The following RHOQ variants were observed in gnomAD, a reference collection of about 807,000 sequenced individuals.
RHOQ encodes rho-related GTP-binding protein RhoQ.
In RHOQ, 7 loss-of-function variants were observed where a neutral mutation model predicts 25.8. The observed-to-expected ratio is 0.27, with a 90% CI of 0.15 to 0.51. RHOQ has a LOEUF of 0.51. Ranked by LOEUF, RHOQ falls within the 20% of genes least tolerant of loss-of-function variation. RHOQ has a pLI of 0.97. For synonymous variants in RHOQ, 97 were observed against 98.6 expected (o/e 0.98, Z 0.10); for missense variants, 165 against 260.6 (o/e 0.63, Z 2.53).
intron 2 of RHOQ, among the ~76,000 whole-genome samples, chr2:46,571,782 C>G (rs775376215): frequency 7.9e-5 from 12 of 152,172 alleles, no homozygotes; most frequent in African/African-American, 1.4e-4. Context: ...AAGCATGGCA[C>G]AAGGTAAATC....
At position 46,555,058 on chromosome 2, in the gene RHOQ, C is replaced by T. The variant is rs963255861; in HGVS notation, c.201+11246C>T. Among the ~76,000 whole-genome samples the T allele has an allele frequency of 1.1e-4, 16 of 152,334 alleles. No individual in the cohort carries two copies. The highest frequency in any genetic ancestry group is 3.4e-3 in the Middle Eastern group (1 of 294). On this transcript the variant is annotated intron_variant, in intron 2 of 4. Coordinates refer to ENST00000238738, the MANE Select transcript of RHOQ (RefSeq NM_012249.4). The surrounding 1 kb of genome is among the most constrained non-coding windows in gnomAD (Gnocchi z 4.3). ...CTGGAGGAATGGGGAAGGGACTGGA[C>T]ACGAGGAGGGACAGAGCAGGCAGAT...
chr2:46,546,495 TATATATATATATATATGTATATAC>T (rs1177839562), intron 2 of RHOQ, among the ~76,000 whole-genome samples: 1,641 of 22,204 alleles, frequency 0.074, 198 homozygotes, highest in South Asian at 0.11. Context: ...TATATATATA[TATATATATATATATATGTATATAC>T]ATATATATAT....
Position 46,546,509 on chromosome 2 carries a change from TATGTATATACATATATATATATAC to T in RHOQ, c.201+2699_201+2722del, listed in dbSNP as rs1558680624. 1.3e-3 allele frequency among the ~76,000 whole-genome samples: 30 copies of T among 22,584 alleles called. 2 individuals are homozygous for T. The highest frequency in any genetic ancestry group is 4.7e-3 in the African/African-American group (26 of 5,544). The allele number at this position is 22,584 out of a possible 152,430, so 14.8% of individuals were successfully genotyped here. Reference sequence around the variant, plus strand: ...ATATATATATATATATATATATATATATGTATATACATATATATATATACACAAATCCTTAAGCCTAGTGGGCAG... The same window carrying T: ...ATATATATATATATATATATATATATACAAATCCTTAAGCCTAGTGGGCAG... On this transcript the variant is annotated intron_variant, in intron 2 of 4. Transcript: ENST00000238738.
rs1304437881 is a variant in RHOQ at position 46,581,674 on chromosome 2, T to G, written c.*591T>G. 1 of 1,508,248 alleles carries G rather than the reference T, an allele frequency of 6.6e-7. No individual in the cohort carries two copies. The highest frequency in any genetic ancestry group is 1.4e-5 in the African/African-American group (1 of 71,486). 93.4% of individuals were successfully genotyped at this position (1,508,248 alleles called of 1,614,324 possible). On this transcript the variant is annotated 3_prime_UTR_variant, in exon 5 of 5. Coordinates refer to ENST00000238738, the MANE Select transcript of RHOQ (RefSeq NM_012249.4). ...CAAGTGTAACCTAAATATTTCTATA[T>G]TAAAGCTTAATGTGCTTTCTTAAAG...
chr2:46,543,427 C>T (rs917397072), intron 1 of RHOQ: 1 of 602,676 alleles, frequency 1.7e-6, no homozygotes, highest in African/African-American at 1.9e-5. Context: ...CTTCCTACCC[C>T]TCGGCGCCCT....
intron 2 of RHOQ, among the ~76,000 whole-genome samples, chr2:46,570,786 C>T (rs1016579881): frequency 6.6e-6 from 1 of 152,238 alleles, no homozygotes; most frequent in African/African-American, 2.4e-5. Flanking sequence ...TTATGTCTCT[C>T]TTCACGTAGT....
rs1667876829 is a variant in RHOQ at position 46,542,990 on chromosome 2, C to T, written c.-57C>T. On this transcript the variant is annotated 5_prime_UTR_variant, in exon 1 of 5. Coordinates refer to ENST00000238738, the MANE Select transcript of RHOQ (RefSeq NM_012249.4). ...CCCCCCAGGCGGGCTGGGGCTGAGC[C>T]CGGGGCCGGGGCGGGGGCTCCGGGG... is the stretch of plus-strand genomic sequence containing the variant. 7 of 1,367,062 alleles carry T rather than the reference C, an allele frequency of 5.1e-6. No homozygotes were observed. The Admixed American group carries it at 2.3e-4, about 44-fold the overall frequency. The allele number at this position is 1,367,062 out of a possible 1,614,324, so 84.7% of individuals were successfully genotyped here. A position where few individuals can be genotyped will look rare whatever the true frequency, so the allele number is the denominator to read the frequency against.
chr2:46,551,296 G>A (rs952380869), intron 2 of RHOQ, among the ~76,000 whole-genome samples: 4 of 152,190 alleles, frequency 2.6e-5, no homozygotes, highest in Non-Finnish European at 1.5e-5. Flanking sequence ...TCTCACCTCA[G>A]GCATGCAGCA....
At chr2:46,550,226 G>C (rs1668199262) in intron 2 of RHOQ, among the ~76,000 whole-genome samples, 1 of 150,376 alleles carries the variant, frequency 6.6e-6, no homozygotes, top group Non-Finnish European at 1.5e-5. Context: ...ATTAGAGCGA[G>C]ACCGTGTTTA....
rs1669358480 is a variant in RHOQ, at chr2:46,581,273, C to G, written c.*190C>G. 2.1e-6 allele frequency: 2 copies of G among 964,626 alleles called. No individual in the cohort carries two copies. Among genetic ancestry groups the G allele is most frequent in the South Asian group, 1.8e-5 (1 of 54,100 alleles). The allele number at this position is 964,626 out of a possible 1,614,324, so 59.8% of individuals were successfully genotyped here. On this transcript the variant is annotated 3_prime_UTR_variant, in exon 5 of 5. Coordinates refer to ENST00000238738, the MANE Select transcript of RHOQ (RefSeq NM_012249.4). ...AGGTTTAAGAAGCAGTAAGCAGCAT[C>G]TGAAGCCACAATCTATTATAAATAC...
chr2:46,582,058 A>C lies in RHOQ; in HGVS notation c.*975A>C, dbSNP rs1173321187. 6.4e-6 allele frequency: 1 copy of C among 155,534 alleles called. No individual in the cohort carries two copies. 9.6% of individuals were successfully genotyped at this position (155,534 alleles called of 1,614,324 possible). ...ACCTAGAATCCAAGCGTGTTACATG[A>C]AAATTGTAACAGAGCAGCTGCTTCC... On this transcript the variant is annotated 3_prime_UTR_variant, in exon 5 of 5. Transcript: ENST00000238738.
rs140447180 is a variant in RHOQ, at chr2:46,544,291, A to C, written c.201+479A>C. Among the ~76,000 whole-genome samples the C allele has an allele frequency of 1.5e-3, 225 of 152,110 alleles. 2 individuals are homozygous for C. The highest frequency in any genetic ancestry group is 5.2e-3 in the African/African-American group (214 of 41,480). Reference sequence around the variant, plus strand: ...GTTATGTTTATTACAACATCATTGCACTCTGGGACTCCAGTCCCTGAAAAC... The same window carrying C: ...GTTATGTTTATTACAACATCATTGCCCTCTGGGACTCCAGTCCCTGAAAAC... On this transcript the variant is annotated intron_variant, in intron 2 of 4. Coordinates refer to ENST00000238738, the MANE Select transcript of RHOQ (RefSeq NM_012249.4).
At chr2:46,558,952 G>C (rs1668485841) in intron 2 of RHOQ, among the ~76,000 whole-genome samples, 1 of 151,786 alleles carries the variant, frequency 6.6e-6, no homozygotes, top group African/African-American at 2.4e-5. Context: ...AAGCGGTTTA[G>C]GTTTTGTTTT....
intron 2 of RHOQ, among the ~76,000 whole-genome samples, chr2:46,565,666 T>A (rs1187580721): frequency 2.0e-5 from 3 of 152,182 alleles, no homozygotes; most frequent in African/African-American, 7.2e-5. Flanking sequence ...GTGAAGGAGG[T>A]GCAGCTAGCA....
chr2:46,570,447 T>TAA, intron 2 of RHOQ, among the ~76,000 whole-genome samples: 1 of 117,898 alleles, frequency 8.5e-6, no homozygotes, highest in African/African-American at 3.2e-5. Context: ...TCTCAAAAAA[T>TAA]AAAAAAAAAA....
Position 46,581,352 on chromosome 2 carries a change from A to ACAAT in RHOQ, c.*272_*275dup. ...CAGGGGTTTCATAGTTTAAAAAGCT[A>ACAAT]CAATCACATCATGTTGTAACTACGT... is the stretch of plus-strand genomic sequence containing the variant. On this transcript the variant is annotated 3_prime_UTR_variant, in exon 5 of 5. Coordinates refer to ENST00000238738, the MANE Select transcript of RHOQ (RefSeq NM_012249.4). The ACAAT allele has an allele frequency of 7.1e-7, 1 of 1,411,304 alleles. No individual in the cohort carries two copies. The highest frequency in any genetic ancestry group is 9.5e-7 in the Non-Finnish European group (1 of 1,056,920). The allele number at this position is 1,411,304 out of a possible 1,614,324, so 87.4% of individuals were successfully genotyped here.
In RHOQ at chr2:46,567,611, T is replaced by C. The variant is rs1183690376; in HGVS notation, c.202-8476T>C. ...TTTGCCATGTTGCCCACACTGGTCTTGAACTCCTGGACTCAAGCAATCCAC... is the reference window on the plus strand; with the variant it reads ...TTTGCCATGTTGCCCACACTGGTCTCGAACTCCTGGACTCAAGCAATCCAC... On this transcript the variant is annotated intron_variant, in intron 2 of 4. Coordinates refer to ENST00000238738, the MANE Select transcript of RHOQ (RefSeq NM_012249.4). 3.3e-5 allele frequency among the ~76,000 whole-genome samples: 5 copies of C among 152,260 alleles called. No individual in the cohort carries two copies. The East Asian group carries it at 7.7e-4, about 23-fold the overall frequency.
intron 4 of RHOQ, among the ~76,000 whole-genome samples, chr2:46,578,332 A>T (rs1669208221): frequency 6.6e-6 from 1 of 152,076 alleles, no homozygotes; most frequent in Non-Finnish European, 1.5e-5. Context: ...GCAATTCCAT[A>T]TGTAAGAGTT....
At chr2:46,551,741 A>G (rs930808557) in intron 2 of RHOQ, among the ~76,000 whole-genome samples, 2 of 152,096 alleles carry the variant, frequency 1.3e-5, no homozygotes. Flanking sequence ...AGATCCCTAG[A>G]TTTTCCTGCT....
Sources: allele counts gnomAD v4.1 joint callset (sites outside exome capture counted in the v4.1 genomes callset), GRCh38; gene constraint gnomAD v4.1.1; non-coding constraint Gnocchi (gnomAD v3.1); transcripts MANE v1.5; gene names NCBI Gene and HGNC (gene_info 2026-07-23, HGNC 2026-07-21).